PNOC: variants seen among roughly 807,000 people sequenced by gnomAD.
PNOC encodes nociceptin.
Under a neutral mutation model 15.6 loss-of-function variants are expected in PNOC, and 10 were observed. The observed-to-expected ratio is 0.64, with a 90% CI of 0.40 to 1.09. The LOEUF (loss-of-function observed/expected upper bound fraction) is 1.09. Among genes scored for constraint, PNOC ranks in the 50% least tolerant of loss-of-function variants. The pLI is 0.01. For synonymous variants in PNOC, 98 were observed against 88.5 expected (o/e 1.11, Z -0.60); for missense variants, 220 against 223.9 (o/e 0.98, Z 0.11).
At chr8:28,328,240 T>C (rs1801259452) in intron 1 of PNOC, among the ~76,000 whole-genome samples, 4 of 151,418 alleles carry the variant, frequency 2.6e-5, no homozygotes, top group Admixed American at 2.6e-4. Flanking sequence ...GATATATATA[T>C]ATATTTGTAT....
At chr8:28,338,352 T>C (rs1182549296) in intron 2 of PNOC, among the ~76,000 whole-genome samples, 1 of 152,086 alleles carries the variant, frequency 6.6e-6, no homozygotes, top group Non-Finnish European at 1.5e-5. Context: ...AGAGTGTTCC[T>C]AGGAGCCGAG....
chr8:28,326,528 G>C (rs1309288730), intron 1 of PNOC, among the ~76,000 whole-genome samples: 2 of 152,034 alleles, frequency 1.3e-5, no homozygotes, highest in Non-Finnish European at 2.9e-5. Flanking sequence ...CTTTGGCATG[G>C]ATACAAGTCA....
intron 2 of PNOC, among the ~76,000 whole-genome samples, chr8:28,337,807 G>T (rs1232214521): frequency 6.6e-6 from 1 of 150,398 alleles, no homozygotes; most frequent in African/African-American, 2.5e-5. Context: ...TAGCCAGGAT[G>T]GTCTCGATCT....
chr8:28,340,961 C>T (rs1801508475), intron 3 of PNOC, among the ~76,000 whole-genome samples: 1 of 152,206 alleles, frequency 6.6e-6, no homozygotes, highest in Admixed American at 6.5e-5. Context: ...TGGAAGAGGA[C>T]AAACTTCTAA....
chr8:28,332,137 C>T (rs1585835048), intron 2 of PNOC, among the ~76,000 whole-genome samples: 1 of 152,338 alleles, frequency 6.6e-6, no homozygotes, highest in East Asian at 1.9e-4. Flanking sequence ...CAATGGGGGA[C>T]TAACACCTTC....
intron 3 of PNOC, 123 bp from the exon 4 acceptor site, chr8:28,342,819 C>T (rs1801546660): frequency 9.3e-6 from 2 of 215,350 alleles, no homozygotes; most frequent in African/African-American, 2.3e-5. Flanking sequence ...ACGTTAGGAA[C>T]GATTTACTTG....
chr8:28,329,723 T>G (rs1011570009), intron 2 of PNOC, among the ~76,000 whole-genome samples: 1 of 152,158 alleles, frequency 6.6e-6, no homozygotes, highest in Non-Finnish European at 1.5e-5. Flanking sequence ...GCCCTTGGTA[T>G]CTACTGGTTT....
At chr8:28,328,690 G>T (rs150886254) in intron 1 of PNOC, among the ~76,000 whole-genome samples, 1 of 152,148 alleles carries the variant, frequency 6.6e-6, no homozygotes, top group Non-Finnish European at 1.5e-5. Flanking sequence ...TGATAAGGCA[G>T]GTGCCACTGT....
At chr8:28,336,389 T>C (rs1421189152) in intron 2 of PNOC, among the ~76,000 whole-genome samples, 1 of 152,156 alleles carries the variant, frequency 6.6e-6, no homozygotes, top group Non-Finnish European at 1.5e-5. Context: ...GCCAGGGAAC[T>C]AGAAGTTATC....
At chr8:28,332,995 A>G (rs1192303662) in intron 2 of PNOC, among the ~76,000 whole-genome samples, 2 of 152,182 alleles carry the variant, frequency 1.3e-5, no homozygotes, top group African/African-American at 2.4e-5. Context: ...AAAACGAGCT[A>G]CCTTCTGGTA....
In PNOC at chr8:28,339,201, G is replaced by A. The variant is rs142389391; in HGVS notation, c.288G>A (p.Arg96=). 2.5e-6 allele frequency: 4 copies of A among 1,613,194 alleles called. No homozygotes were observed. The highest frequency in any genetic ancestry group is 1.1e-5 in the South Asian group (1 of 91,082). The part of the protein sequence containing the change: ...QPRASEMQHL[R]RMPRVRSLFQ... ...GAGCTTCGGAGATGCAGCATCTGCG[G>A]CGAATGCCCCGAGTCCGGAGCTTGT... Residue 96 remains arginine, a synonymous_variant, in exon 3 of 4, where the codon CGG becomes CGA. Coordinates refer to ENST00000301908, the MANE Select transcript of PNOC (RefSeq NM_006228.5).
chr8:28,320,754 G>A (rs1801137586), intron 1 of PNOC, among the ~76,000 whole-genome samples: 1 of 151,750 alleles, frequency 6.6e-6, no homozygotes, highest in South Asian at 2.1e-4. Context: ...GGGAGGCTGA[G>A]GCAGGAGAAT....
chr8:28,332,989 C>T (rs149907231), intron 2 of PNOC, among the ~76,000 whole-genome samples: 9 of 152,272 alleles, frequency 5.9e-5, no homozygotes, highest in East Asian at 3.9e-4. Flanking sequence ...TACTGCAAAA[C>T]GAGCTACCTT....
At position 28,341,542 on chromosome 8, in the gene PNOC, C is replaced by T. The variant is rs577586356; in HGVS notation, c.*48-1400C>T. The stretch of plus-strand genomic sequence containing the variant: ...TTCTGAACGATGGCAATGTTCTTTA[C>T]CTAAACACAGTTGAAAATCAGGCCC... On this transcript the variant is annotated intron_variant, in intron 3 of 3. Coordinates refer to ENST00000301908, the MANE Select transcript of PNOC (RefSeq NM_006228.5). 1.1e-4 allele frequency among the ~76,000 whole-genome samples: 17 copies of T among 152,314 alleles called. No individual in the cohort carries two copies. In the South Asian group the frequency reaches 3.1e-3, roughly 28 times the overall value.
intron 1 of PNOC, among the ~76,000 whole-genome samples, chr8:28,323,677 A>G (rs186470107): frequency 5.1e-4 from 77 of 152,362 alleles, no homozygotes; most frequent in Admixed American, 1.1e-3. Flanking sequence ...CTAAGTACTC[A>G]TCTCCATTTA....
At chr8:28,317,116 C>T, upstream of PNOC, 1 of 152,640 alleles carries the variant, frequency 6.6e-6, no homozygotes, top group Non-Finnish European at 1.5e-5. Context: ...GATGGCAGAG[C>T]CGGGGGAAGG....
intron 2 of PNOC, among the ~76,000 whole-genome samples, chr8:28,335,341 G>A (rs933705704): frequency 5.3e-5 from 8 of 152,192 alleles, no homozygotes; most frequent in East Asian, 1.9e-4. Context: ...TTATCTAACC[G>A]TGTTGTTTTG....
In PNOC at chr8:28,339,470, T is replaced by C; in HGVS notation, c.*26T>C. The C allele has an allele frequency of 6.6e-7, 1 of 1,508,786 alleles. No homozygotes were observed. The highest frequency in any genetic ancestry group is 8.9e-7 in the Non-Finnish European group (1 of 1,129,320). 93.5% of individuals were successfully genotyped at this position (1,508,786 alleles called of 1,614,324 possible). A position where few individuals can be genotyped will look rare whatever the true frequency, so the allele number is the denominator to read the frequency against. ...CCGGAAGGGGCGCTCCTCCCAGCTG[T>C]ACCGGCCACTGCAACCCATGAGTGA... On this transcript the variant is annotated 3_prime_UTR_variant, in exon 3 of 4. Transcript: ENST00000301908.
In PNOC at chr8:28,339,414, GC is replaced by G. The variant is rs1230616146; in HGVS notation, c.502del (p.Arg168AlafsTer54). The G allele has an allele frequency of 6.5e-7, 1 of 1,547,392 alleles. No homozygotes were observed. The highest frequency in any genetic ancestry group is 2.3e-5 in the East Asian group (1 of 44,058). ...TGAGCATGCAGTCCAGCCAGCGCCG[GC>G]GCACCCTGCACCAGAATGGTAATGT... Reference protein sequence around the residue: ...VLSMQSSQRRRTLHQNGNV With the variant: ...VLSMQSSQRRXTLHQNGNV On this transcript the variant is annotated frameshift_variant, in exon 3 of 4. Coordinates refer to ENST00000301908, the MANE Select transcript of PNOC (RefSeq NM_006228.5). LOFTEE classifies it low-confidence loss of function (END_TRUNC).
Sources: gnomAD v4.1 joint callset for allele counts (sites outside exome capture counted in the v4.1 genomes callset) on GRCh38, gnomAD v4.1.1 for gene constraint, MANE v1.5 for transcripts, NCBI Gene and HGNC (gene_info 2026-07-23, HGNC 2026-07-21) for gene names.